The following LPCAT3 variants were observed in gnomAD, a reference collection of about 807,000 sequenced individuals.
LPCAT3 encodes lysophospholipid acyltransferase 5.
In LPCAT3, 21 loss-of-function variants were observed where a neutral mutation model predicts 63.4. That is an observed-to-expected ratio of 0.33 (90% CI 0.23 to 0.48). The LOEUF (loss-of-function observed/expected upper bound fraction) is 0.48, where lower values mean the gene tolerates loss of function less well. LPCAT3 is among the 20% of genes least tolerant of loss of function. The pLI is 0.99. For missense variants in LPCAT3, 451 were observed against 590.6 expected (o/e 0.76, Z 2.45); for synonymous variants, 242 against 227.5 (o/e 1.06, Z -0.58).
chr12:6,981,227 C>T, intron 5 of LPCAT3, 45 bp from the exon 6 acceptor site: 1 of 1,506,256 alleles, frequency 6.6e-7, no homozygotes, highest in Non-Finnish European at 9.0e-7. Context: ...CCTTGAATCT[C>T]CCCACAAGAG....
intron 6 of LPCAT3, 188 bp downstream of exon 6, chr12:6,980,816 G>C (rs971856074): frequency 2.4e-5 from 11 of 463,678 alleles, no homozygotes; most frequent in Non-Finnish European, 3.4e-5. Context: ...GTGTTAGAAT[G>C]GATAACTGGA....
intron 1 of LPCAT3, among the ~76,000 whole-genome samples, chr12:7,016,848 C>A (rs140050922): frequency 6.7e-4 from 102 of 152,232 alleles, no homozygotes; most frequent in African/African-American, 2.2e-3. Flanking sequence ...ACTGCACAAC[C>A]CCAGTTCCAT....
chr12:6,990,761 A>G (rs1056066258), intron 1 of LPCAT3, among the ~76,000 whole-genome samples: 1 of 150,526 alleles, frequency 6.6e-6, no homozygotes, highest in Non-Finnish European at 1.5e-5. Context: ...TACTAAAAAT[A>G]CAAAAACCAG....
chr12:6,981,893 C>A lies in LPCAT3; in HGVS notation c.378G>T (p.Leu126=), dbSNP rs1206523420. Residue 126 remains leucine (L), a synonymous_variant, in exon 4 of 13, where the codon CTG becomes CTT. Transcript: ENST00000261407. ...TTFCFQMAYL[L]AGYYYTATGN... Reference sequence around the variant, plus strand: ...CGGTGGCAGTGTAATAGTATCCAGCCAGAAGGTAGGCCTAGGAGAGGCAGA... The same window carrying A: ...CGGTGGCAGTGTAATAGTATCCAGCAAGAAGGTAGGCCTAGGAGAGGCAGA... 9 of 1,602,942 alleles carry A rather than the reference C, an allele frequency of 5.6e-6. No individual in the cohort carries two copies. Among genetic ancestry groups the A allele is most frequent in the Non-Finnish European group, 7.7e-6 (9 of 1,169,824 alleles).
At chr12:6,979,132 A>C (rs1286904320) in intron 7 of LPCAT3, 10 of 337,088 alleles carry the variant, frequency 3.0e-5, no homozygotes, top group Non-Finnish European at 1.1e-5. Context: ...GAAGTGCCCA[A>C]ATGTATCAGT....
Position 6,987,272 on chromosome 12 carries a change from G to T in LPCAT3, c.152-3733C>A, listed in dbSNP as rs1946538500. Reference sequence around the variant, plus strand: ...TTCACCAAGTGTTTAGTAAATGCCTGCTATATGCCAGGTATTCTGTTTATG... The same window carrying T: ...TTCACCAAGTGTTTAGTAAATGCCTTCTATATGCCAGGTATTCTGTTTATG... On this transcript the variant is annotated intron_variant, in intron 1 of 12. Transcript: ENST00000261407. The surrounding 1 kb of genome is among the most constrained non-coding windows in gnomAD (Gnocchi z 4.1). Among the ~76,000 whole-genome samples, 1 of 152,172 alleles carries T rather than the reference G, an allele frequency of 6.6e-6. No individual in the cohort carries two copies.
chr12:6,987,002 A>G lies in LPCAT3; in HGVS notation c.152-3463T>C, dbSNP rs1946534466. Among the ~76,000 whole-genome samples, 2 of 151,916 alleles carry G rather than the reference A, an allele frequency of 1.3e-5. No homozygotes were observed. The highest frequency in any genetic ancestry group is 2.9e-5 in the Non-Finnish European group (2 of 67,986). ...GGTGCAGGCACCTGTAATCCCACCT[A>G]CTTGGGAAGCTGAGGCAGGAGAATT... On this transcript the variant is annotated intron_variant, in intron 1 of 12. Coordinates refer to ENST00000261407, the MANE Select transcript of LPCAT3 (RefSeq NM_005768.6). The surrounding 1 kb of genome is among the most constrained non-coding windows in gnomAD (Gnocchi z 4.1).
chr12:6,983,230 A>G (rs1449652974), intron 2 of LPCAT3: 5 of 508,724 alleles, frequency 9.8e-6, no homozygotes, highest in Non-Finnish European at 1.8e-5. Flanking sequence ...AACCACCCTC[A>G]AAATGTTTTT....
intron 1 of LPCAT3, among the ~76,000 whole-genome samples, chr12:7,013,656 C>T (rs1266292575): frequency 1.3e-5 from 2 of 151,742 alleles, no homozygotes; most frequent in Non-Finnish European, 1.5e-5. Flanking sequence ...CAGAATCTAC[C>T]TTTCAAAAGG....
intron 1 of LPCAT3, among the ~76,000 whole-genome samples, chr12:6,989,499 A>G (rs1203740670): frequency 1.3e-5 from 2 of 151,852 alleles, no homozygotes; most frequent in Non-Finnish European, 2.9e-5. Flanking sequence ...TTTAGTAGAG[A>G]CAGGGTTTCA....
At chr12:7,005,889 C>T (rs1429723115) in intron 1 of LPCAT3, among the ~76,000 whole-genome samples, 2 of 152,120 alleles carry the variant, frequency 1.3e-5, no homozygotes, top group Non-Finnish European at 2.9e-5. Flanking sequence ...TGATAGTATC[C>T]TTTGGTGCAC....
In LPCAT3 at chr12:6,978,596, T is replaced by C. The variant is rs781981287; in HGVS notation, c.873+7A>G. 10 of 1,614,146 alleles carry C rather than the reference T, an allele frequency of 6.2e-6. No homozygotes were observed. The highest frequency in any genetic ancestry group is 5.3e-5 in the African/African-American group (4 of 75,058). On this transcript the variant is annotated splice_region_variant and intron_variant, in intron 8 of 12. Coordinates refer to ENST00000261407, the MANE Select transcript of LPCAT3 (RefSeq NM_005768.6). ...AAATAGGACCTTGTTTCAACTTTTC[T>C]ACTTACTGTGACCAGCCAACAGGTG...
intron 7 of LPCAT3, 43 bp from the exon 8 acceptor site, chr12:6,978,732 T>C (rs782173478): frequency 6.2e-7 from 1 of 1,607,788 alleles, no homozygotes; most frequent in African/African-American, 1.3e-5. Flanking sequence ...ATCACATGAC[T>C]AGGCAGTTTC....
chr12:6,993,374 C>A (rs113288170), intron 1 of LPCAT3, among the ~76,000 whole-genome samples: 1 of 151,236 alleles, frequency 6.6e-6, no homozygotes, highest in South Asian at 2.1e-4. Context: ...GCAGAGATTG[C>A]AGTGAGCTGA....
At chr12:6,979,886 T>C (rs1299650782) in intron 6 of LPCAT3, 2 of 324,096 alleles carry the variant, frequency 6.2e-6, no homozygotes, top group South Asian at 1.6e-4. Context: ...ACAATCTCCA[T>C]TGGGACTGAA....
intron 1 of LPCAT3, among the ~76,000 whole-genome samples, chr12:7,003,486 G>C (rs782756447): frequency 7.9e-5 from 12 of 151,830 alleles, no homozygotes; most frequent in African/African-American, 2.9e-4. Flanking sequence ...TATTTTAGTA[G>C]AGACTGGGTC....
At chr12:7,005,540 T>C (rs1422254744) in intron 1 of LPCAT3, among the ~76,000 whole-genome samples, 4 of 152,244 alleles carry the variant, frequency 2.6e-5, no homozygotes, top group African/African-American at 7.2e-5. Flanking sequence ...GCTGCACCAT[T>C]TTACATTCCC....
At chr12:7,000,114 T>C (rs1353641861) in intron 1 of LPCAT3, among the ~76,000 whole-genome samples, 3 of 151,558 alleles carry the variant, frequency 2.0e-5, no homozygotes, top group African/African-American at 7.3e-5. Context: ...GAGATGGGGT[T>C]TCACCATGTT....
chr12:6,979,907 A>G, intron 6 of LPCAT3: 1 of 256,842 alleles, frequency 3.9e-6, no homozygotes, highest in Admixed American at 5.3e-5. Flanking sequence ...AACCCAGTGG[A>G]GGTAAGATAA....
Sources: gnomAD v4.1 joint callset for allele counts (sites outside exome capture counted in the v4.1 genomes callset) on GRCh38, gnomAD v4.1.1 for gene constraint, Gnocchi (gnomAD v3.1) non-coding constraint, MANE v1.5 for transcripts, NCBI Gene and HGNC (gene_info 2026-07-23, HGNC 2026-07-21) for gene names.